Variants in CACNA2D4 observed in about 807,000 individuals in gnomAD.
The protein encoded by CACNA2D4 is calcium voltage-gated channel auxiliary subunit alpha2delta 4, also known as voltage-dependent calcium channel subunit alpha-2/delta-4.
A neutral mutation model predicts 163.8 loss-of-function variants in CACNA2D4; 157 were observed. The ratio of observed to expected loss-of-function variants is 0.96; its 90% confidence interval spans 0.84 to 1.09. The LOEUF (loss-of-function observed/expected upper bound fraction) is 1.09. CACNA2D4 is among the 50% of genes least tolerant of loss of function. The pLI is 0.00. For missense variants in CACNA2D4, 1,410 were observed against 1,479.9 expected (o/e 0.95, Z 0.78); for synonymous variants, 598 against 586.9 (o/e 1.02, Z -0.27).
At chr12:1,831,116 G>A (rs1275777419) in intron 26 of CACNA2D4, 2 of 1,613,822 alleles carry the variant, frequency 1.2e-6, no homozygotes, top group Non-Finnish European at 1.7e-6. Flanking sequence ...TGAGTGCCCT[G>A]CCAAGCTGGG....
At chr12:1,842,299 C>A (rs1647920905) in intron 25 of CACNA2D4, among the ~76,000 whole-genome samples, 2 of 152,204 alleles carry the variant, frequency 1.3e-5, no homozygotes, top group Non-Finnish European at 2.9e-5. Flanking sequence ...GCACTGACTG[C>A]ACAATGCAGC....
chr12:1,859,231 C>G (rs768028887), intron 19 of CACNA2D4, among the ~76,000 whole-genome samples: 2 of 152,020 alleles, frequency 1.3e-5, no homozygotes, highest in Non-Finnish European at 2.9e-5. Flanking sequence ...GTGGCACGCT[C>G]CTGTACTGTC....
intron 35 of CACNA2D4, among the ~76,000 whole-genome samples, chr12:1,796,690 G>A (rs1252209969): frequency 1.3e-5 from 2 of 152,224 alleles, no homozygotes; most frequent in Non-Finnish European, 2.9e-5. Context: ...AGCGCCGCAG[G>A]TGCCGCACTG....
In CACNA2D4 at chr12:1,834,276, T is replaced by C. The variant is rs769694699; in HGVS notation, c.2551+6463A>G. On this transcript the variant is annotated intron_variant, in intron 26 of 37. Coordinates refer to ENST00000382722, the MANE Select transcript of CACNA2D4 (RefSeq NM_172364.5). The surrounding 1 kb of genome is among the most constrained non-coding windows in gnomAD (Gnocchi z 7.6). ...TCTCTTCTGCATGTAGGGGGACGCTTGGACCAGCTTGCCTGCACCCTGCCC... is the reference window on the plus strand; with the variant it reads ...TCTCTTCTGCATGTAGGGGGACGCTCGGACCAGCTTGCCTGCACCCTGCCC... The C allele has an allele frequency of 6.4e-7, 1 of 1,573,304 alleles. No homozygotes were observed.
rs572050387 is a variant in CACNA2D4 at position 1,813,799 on chromosome 12, C to T, written c.2552-2076G>A. Among the ~76,000 whole-genome samples the T allele has an allele frequency of 1.6e-3, 236 of 152,154 alleles. 1 individual carries two copies. Among genetic ancestry groups the T allele is most frequent in the African/African-American group, 5.5e-3 (228 of 41,494 alleles). On this transcript the variant is annotated intron_variant, in intron 26 of 37. Transcript: ENST00000382722. Reference sequence around the variant, plus strand: ...CTGAAAGGAGTGGGCTGGAAGGGGACGGGGAGACCCATTTGCTGGCTCATG... The same window carrying T: ...CTGAAAGGAGTGGGCTGGAAGGGGATGGGGAGACCCATTTGCTGGCTCATG...
rs1186760291 is a variant in CACNA2D4, at chr12:1,833,084, CA to C, written c.2551+7654del. On this transcript the variant is annotated intron_variant, in intron 26 of 37. Coordinates refer to ENST00000382722, the MANE Select transcript of CACNA2D4 (RefSeq NM_172364.5). The surrounding 1 kb of genome is among the most constrained non-coding windows in gnomAD (Gnocchi z 4.2). ...GTCGCCGGGAACTGAATTCCCAGCA[CA>C]AAAATGCATGCCATGAGAATGTGCA... is the stretch of plus-strand genomic sequence containing the variant. Among the ~76,000 whole-genome samples the C allele has an allele frequency of 1.3e-5, 2 of 152,182 alleles. No individual in the cohort carries two copies. The highest frequency in any genetic ancestry group is 2.9e-5 in the Non-Finnish European group (2 of 68,026).
intron 16 of CACNA2D4, among the ~76,000 whole-genome samples, chr12:1,877,230 C>T (rs1275575196): frequency 1.3e-5 from 2 of 152,206 alleles, no homozygotes; most frequent in Non-Finnish European, 1.5e-5. Flanking sequence ...GCCTTATATT[C>T]GTCTAGAGTA....
chr12:1,815,189 G>A (rs1209292216), intron 26 of CACNA2D4, among the ~76,000 whole-genome samples: 1 of 152,196 alleles, frequency 6.6e-6, no homozygotes, highest in Non-Finnish European at 1.5e-5. Flanking sequence ...ATTATGCCTG[G>A]TCCCCATTGA....
chr12:1,834,878 C>T lies in CACNA2D4; in HGVS notation c.2551+5861G>A, dbSNP rs1864789670. 5 of 1,383,118 alleles carry T rather than the reference C, an allele frequency of 3.6e-6. No homozygotes were observed. The highest frequency in any genetic ancestry group is 2.6e-4 in the Middle Eastern group (1 of 3,796). The allele number at this position is 1,383,118 out of a possible 1,614,324, so 85.7% of individuals were successfully genotyped here. ...CAAGCCACACCGGGTTCTCTCCCTG[C>T]ACTTTCGAGGCTCCCTGAAAGCCAC... On this transcript the variant is annotated intron_variant, in intron 26 of 37. Coordinates refer to ENST00000382722, the MANE Select transcript of CACNA2D4 (RefSeq NM_172364.5). This position sits in a 1 kb window ranked among gnomAD's most constrained non-coding sequence, Gnocchi z 7.6.
Position 1,874,555 on chromosome 12 carries a change from A to T in CACNA2D4, c.1878+49T>A. 1.5e-6 allele frequency: 2 copies of T among 1,317,598 alleles called. No individual in the cohort carries two copies. Among genetic ancestry groups the T allele is most frequent in the Non-Finnish European group, 1.1e-6 (1 of 911,730 alleles). 81.6% of individuals were successfully genotyped at this position (1,317,598 alleles called of 1,614,324 possible). On this transcript the variant is annotated intron_variant, in intron 18 of 37. Coordinates refer to ENST00000382722, the MANE Select transcript of CACNA2D4 (RefSeq NM_172364.5). The surrounding 1 kb of genome is among the most constrained non-coding windows in gnomAD (Gnocchi z 4.4). The stretch of plus-strand genomic sequence containing the variant: ...CCTCGTCACTACTCCAAACCCAATT[A>T]ATGAAGATGCCTTCCTAGGCCATGC...
At position 1,829,407 on chromosome 12, in the gene CACNA2D4, C is replaced by T. The variant is rs184437732; in HGVS notation, c.2551+11332G>A. ...GGGCTCAGAGGGGTGAGAGGGTGAG[C>T]GGAGACATGAGGTAACCCAAGATGG... On this transcript the variant is annotated intron_variant, in intron 26 of 37. Coordinates refer to ENST00000382722, the MANE Select transcript of CACNA2D4 (RefSeq NM_172364.5). The surrounding 1 kb of genome is among the most constrained non-coding windows in gnomAD (Gnocchi z 4.2). 9.2e-5 allele frequency among the ~76,000 whole-genome samples: 14 copies of T among 151,958 alleles called. No individual in the cohort carries two copies. The East Asian group carries it at 1.6e-3, about 17-fold the overall frequency.
At position 1,913,032 on chromosome 12, in the gene CACNA2D4, C is replaced by T; in HGVS notation, c.417G>A (p.Glu139=). 1 of 1,612,024 alleles carries T rather than the reference C, an allele frequency of 6.2e-7. No homozygotes were observed. The highest frequency in any genetic ancestry group is 8.5e-7 in the Non-Finnish European group (1 of 1,178,172). Residue 139 remains glutamate (E), a synonymous_variant, in exon 3 of 38, where the codon GAG becomes GAA. Coordinates refer to ENST00000382722, the MANE Select transcript of CACNA2D4 (RefSeq NM_172364.5). ...CACAGGCCTGGAGTACCTGGACCGC[C>T]TCGACTTTCCTCCGCAGCATGTTCT... ...DMENMLRRKV[E]AVQNLVEAAE...
chr12:1,804,719 G>A (rs963744495), intron 29 of CACNA2D4, among the ~76,000 whole-genome samples: 1 of 152,256 alleles, frequency 6.6e-6, no homozygotes, highest in African/African-American at 2.4e-5. Context: ...CGGGAAGCGG[G>A]CCCAAGGCCT....
Position 1,843,279 on chromosome 12 carries a change from C to G in CACNA2D4, c.2470+1123G>C, listed in dbSNP as rs1865071073. On this transcript the variant is annotated intron_variant, in intron 25 of 37. Transcript: ENST00000382722. The surrounding 1 kb of genome is among the most constrained non-coding windows in gnomAD (Gnocchi z 4.6). ...CCCTGTCCTGGTCCCAGGAGGATCC[C>G]CGGGATCCTGGGCCTCCCCAGCCAT... Among the ~76,000 whole-genome samples the G allele has an allele frequency of 1.3e-5, 2 of 152,074 alleles. No homozygotes were observed.
chr12:1,793,822 G>A (rs1288382538), intron 37 of CACNA2D4, 63 bp from the exon 38 acceptor site: 16 of 1,388,098 alleles, frequency 1.2e-5, no homozygotes, highest in Non-Finnish European at 1.3e-5. Flanking sequence ...AAAGGGAGGG[G>A]CTTCCACCAC....
Position 1,878,275 on chromosome 12 carries a change from A to G in CACNA2D4, c.1719+40T>C, listed in dbSNP as rs1484985036. On this transcript the variant is annotated intron_variant, in intron 16 of 37. Coordinates refer to ENST00000382722, the MANE Select transcript of CACNA2D4 (RefSeq NM_172364.5). This position sits in a 1 kb window ranked among gnomAD's most constrained non-coding sequence, Gnocchi z 4.6. ...TTTTTGTGAATTACCCCCAAATCCCATACAGTAAGGATCCCAAGGCAAAGA... is the reference window on the plus strand; with the variant it reads ...TTTTTGTGAATTACCCCCAAATCCCGTACAGTAAGGATCCCAAGGCAAAGA... The G allele has an allele frequency of 1.3e-6, 2 of 1,581,940 alleles. No individual in the cohort carries two copies. Among genetic ancestry groups the G allele is most frequent in the East Asian group, 2.3e-5 (1 of 43,576 alleles).
chr12:1,803,906 C>A (rs930190068), intron 29 of CACNA2D4, among the ~76,000 whole-genome samples: 2 of 152,180 alleles, frequency 1.3e-5, no homozygotes, highest in African/African-American at 4.8e-5. Context: ...GAGTGGCAAC[C>A]TAAAGCCCTG....
chr12:1,840,037 G>A (rs970840513), intron 26 of CACNA2D4, among the ~76,000 whole-genome samples: 4 of 152,154 alleles, frequency 2.6e-5, no homozygotes, highest in Non-Finnish European at 5.9e-5. Context: ...AAGAGCTTTC[G>A]CAAGCTTTAA....
intron 29 of CACNA2D4, chr12:1,809,493 A>G (rs1180180450): frequency 4.3e-6 from 3 of 701,292 alleles, no homozygotes; most frequent in Non-Finnish European, 7.8e-6. Flanking sequence ...GCCTTGCTTC[A>G]AGGAAATACA....
Sources: gnomAD v4.1 joint callset for allele counts (sites outside exome capture counted in the v4.1 genomes callset) on GRCh38, gnomAD v4.1.1 for gene constraint, Gnocchi (gnomAD v3.1) non-coding constraint, MANE v1.5 for transcripts, NCBI Gene and HGNC (gene_info 2026-07-23, HGNC 2026-07-21) for gene names.